WAS: variants seen among roughly 807,000 people sequenced by gnomAD.
The protein encoded by WAS is WASP actin nucleation promoting factor, also known as actin nucleation-promoting factor WAS.
WAS carries 1 observed loss-of-function variant against 38.9 expected under a neutral mutation model. That is an observed-to-expected ratio of 0.03 (90% CI 0.01 to 0.12). WAS has a LOEUF of 0.12. Ranked by LOEUF, WAS falls within the 10% of genes least tolerant of loss-of-function variation. WAS has a pLI of 1.00. For missense variants in WAS, 311 were observed against 431.2 expected (o/e 0.72, Z 2.47); for synonymous variants, 182 against 173.6 (o/e 1.05, Z -0.38).
chrX:48,689,118 G>A (rs782257002), intron 10 of WAS, 52 bp downstream of exon 10: 410 of 1,136,122 alleles, frequency 3.6e-4, no homozygotes, highest in Non-Finnish European at 4.6e-4. Flanking sequence ...GGGGTGTCCC[G>A]TCTAAGTCAG....
intron 11 of WAS, among the ~76,000 whole-genome samples, chrX:48,690,457 A>AAG (rs2062436281): frequency 8.9e-6 from 1 of 112,268 alleles, no homozygotes; most frequent in South Asian, 3.6e-4. Context: ...CTGTTAACCT[A>AAG]ATCTTTTTAT....
At chrX:48,687,979 G>A (rs2062425482) in intron 7 of WAS, 75 bp from the exon 8 acceptor site, 1 of 1,086,671 alleles carries the variant, frequency 9.2e-7, no homozygotes, top group Admixed American at 2.5e-5. Context: ...GGCAGGAGAG[G>A]GCAAGAGGGT....
At chrX:48,683,640 A>T, upstream of WAS, 2 of 468,745 alleles carry the variant, frequency 4.3e-6, no homozygotes, top group Non-Finnish European at 7.0e-6. Flanking sequence ...GGTGGGTCTA[A>T]GCAGTCAAGT....
rs1271309802 is a variant in WAS, at chrX:48,685,695, G to A, written c.361-39G>A. ...TGTGGAGAGGAGATGGGAAAGTTGCGGGGGACCTGGGAGGCGGCTGACCCC... is the reference window on the plus strand; with the variant it reads ...TGTGGAGAGGAGATGGGAAAGTTGCAGGGGACCTGGGAGGCGGCTGACCCC... On this transcript the variant is annotated intron_variant, in intron 3 of 11. Coordinates refer to ENST00000376701, the MANE Select transcript of WAS (RefSeq NM_000377.3). 4.3e-6 allele frequency: 5 copies of A among 1,168,903 alleles called. No individual in the cohort carries two copies. The African/African-American group carries it at 7.2e-5, about 17-fold the overall frequency.
upstream of WAS, among the ~76,000 whole-genome samples, chrX:48,683,557 G>C (rs1359031743): frequency 9.0e-6 from 1 of 111,279 alleles, no homozygotes; most frequent in Non-Finnish European, 1.9e-5. Flanking sequence ...GAGGGAGGAG[G>C]GTCTGAGCCA....
chrX:48,678,827 T>A (rs1265420888), upstream of WAS, among the ~76,000 whole-genome samples: 1 of 111,045 alleles, frequency 9.0e-6, no homozygotes, highest in Non-Finnish European at 1.9e-5. Context: ...GTGAAAAAAA[T>A]TTAAATTTTT....
upstream of WAS, among the ~76,000 whole-genome samples, chrX:48,682,548 A>G (rs782818249): frequency 2.2e-4 from 25 of 112,107 alleles, 1 homozygote; most frequent in Non-Finnish European, 4.1e-4. Context: ...TGCAATGAAA[A>G]CTAAACAAGA....
Position 48,684,438 on chromosome X carries a change from C to A in WAS, c.273+15C>A. On this transcript the variant is annotated intron_variant, in intron 2 of 11. Transcript: ENST00000376701. Reference sequence around the variant, plus strand: ...ACGGCCTTCAGGTGACCCCCCCACCCCCGACTGGACTTGCAAGCCAGTTCT... The same window carrying A: ...ACGGCCTTCAGGTGACCCCCCCACCACCGACTGGACTTGCAAGCCAGTTCT... 1 of 1,201,335 alleles carries A rather than the reference C, an allele frequency of 8.3e-7. No individual in the cohort carries two copies. Among genetic ancestry groups the A allele is most frequent in the Non-Finnish European group, 1.1e-6 (1 of 890,548 alleles).
At chrX:48,685,907 C>T (rs1557006603) in intron 4 of WAS, 39 bp from the exon 5 acceptor site, 1 of 1,210,596 alleles carries the variant, frequency 8.3e-7, no homozygotes, top group East Asian at 3.0e-5. Flanking sequence ...TAGAAAAGTC[C>T]CCTCTCATGG....
chrX:48,685,367 C>T (rs1159688513), intron 2 of WAS, among the ~76,000 whole-genome samples, 180 bp from the exon 3 acceptor site: 4 of 111,593 alleles, frequency 3.6e-5, no homozygotes, highest in African/African-American at 1.3e-4. Flanking sequence ...GTATGGCTCC[C>T]AGACTATACC....
chrX:48,677,659 G>C (rs2062393791), intron 1 of WAS, among the ~76,000 whole-genome samples: 1 of 111,808 alleles, frequency 8.9e-6, no homozygotes, highest in African/African-American at 3.3e-5. Context: ...CTCTACAGAT[G>C]TCTCTGCTTT....
intron 3 of WAS, 50 bp downstream of exon 3, chrX:48,685,683 T>C (rs1212567209): frequency 3.0e-5 from 35 of 1,168,980 alleles, no homozygotes; most frequent in Non-Finnish European, 3.8e-5. Context: ...GGAGAGGAGA[T>C]GGGAAAGTTG....
chrX:48,684,540 C>A, intron 2 of WAS, 117 bp downstream of exon 2: 1 of 979,557 alleles, frequency 1.0e-6, no homozygotes, highest in Non-Finnish European at 1.4e-6. Flanking sequence ...AATCCCTGAG[C>A]CCCAGAACCA....
chrX:48,682,879 G>A (rs1418817992), upstream of WAS, among the ~76,000 whole-genome samples: 1 of 105,567 alleles, frequency 9.5e-6, no homozygotes, highest in Non-Finnish European at 1.9e-5. Context: ...TGGCGACAGA[G>A]TGAGACTCCA....
Position 48,686,737 on chromosome X carries a change from T to C in WAS, c.560-44T>C, listed in dbSNP as rs1557006782. The C allele has an allele frequency of 9.2e-6, 11 of 1,202,103 alleles. No individual in the cohort carries two copies. The East Asian group carries it at 1.2e-4, about 13-fold the overall frequency. The stretch of plus-strand genomic sequence containing the variant: ...TTTCTTGCCCCTGTGCTTTGGTTGG[T>C]TGGTAAGTGGGTCAATGAGCCAACC... On this transcript the variant is annotated intron_variant, in intron 6 of 11. Coordinates refer to ENST00000376701, the MANE Select transcript of WAS (RefSeq NM_000377.3).
chrX:48,680,382 T>C (rs1202034447), upstream of WAS, among the ~76,000 whole-genome samples: 1 of 110,716 alleles, frequency 9.0e-6, no homozygotes, highest in Admixed American at 9.6e-5. Flanking sequence ...AAAATAAGGC[T>C]GAGACCTACT....
chrX:48,686,686 C>T (rs2062421044), intron 6 of WAS, 95 bp from the exon 7 acceptor site: 1 of 1,059,926 alleles, frequency 9.4e-7, no homozygotes, highest in Non-Finnish European at 1.3e-6. Context: ...ATCCAACACA[C>T]ACACAGATTT....
upstream of WAS, among the ~76,000 whole-genome samples, chrX:48,681,682 G>A (rs369966589): frequency 3.6e-5 from 4 of 112,503 alleles, no homozygotes; most frequent in East Asian, 5.6e-4. Flanking sequence ...CAATGAACAC[G>A]TGCAATGGCC....
At chrX:48,689,200 T>C (rs1340381894) in intron 10 of WAS, 120 bp from the exon 11 acceptor site, 1 of 953,765 alleles carries the variant, frequency 1.0e-6, no homozygotes, top group East Asian at 3.3e-5. Flanking sequence ...GGTTGAAAGG[T>C]TGGTGGGAAG....
Sources: allele counts gnomAD v4.1 joint callset (sites outside exome capture counted in the v4.1 genomes callset), GRCh38; gene constraint gnomAD v4.1.1; transcripts MANE v1.5; gene names NCBI Gene and HGNC (gene_info 2026-07-23, HGNC 2026-07-21).